Variants in ALCAM observed in about 807,000 individuals in gnomAD.
The protein encoded by ALCAM is activated leukocyte cell adhesion molecule, also known as CD166 antigen.
A neutral mutation model predicts 70.9 loss-of-function variants in ALCAM; 30 were observed. That is an observed-to-expected ratio of 0.42 (90% CI 0.32 to 0.57). ALCAM has a LOEUF of 0.57. Ranked by LOEUF, ALCAM falls within the 20% of genes least tolerant of loss-of-function variation. The probability of loss-of-function intolerance (pLI) is 0.11; values close to 1 mark genes in which losing one functional copy is unlikely to be tolerated. For synonymous variants in ALCAM, 249 were observed against 242.5 expected, an observed-to-expected ratio of 1.03 and a Z score of -0.25; for missense variants, 591 against 695.1, an observed-to-expected ratio of 0.85 and a Z score of 1.68.
chr3:105,535,450 A>G (rs1939947474), intron 6 of ALCAM, among the ~76,000 whole-genome samples: 1 of 152,138 alleles, frequency 6.6e-6, no homozygotes, highest in African/African-American at 2.4e-5. Flanking sequence ...AGGTGCCAAG[A>G]TAATCTAATG....
At chr3:105,483,277 G>A (rs1194810042) in intron 1 of ALCAM, among the ~76,000 whole-genome samples, 1 of 152,060 alleles carries the variant, frequency 6.6e-6, no homozygotes, top group East Asian at 1.9e-4. Flanking sequence ...ATAAATATTT[G>A]CAGAGTGCCT....
chr3:105,520,265 A>C, intron 2 of ALCAM, 98 bp downstream of exon 2: 1 of 842,270 alleles, frequency 1.2e-6, no homozygotes, highest in Non-Finnish European at 2.0e-6. Flanking sequence ...ACCTAAATGC[A>C]ATATTAAACT....
At chr3:105,539,919 A>C in intron 6 of ALCAM, 56 bp from the exon 7 acceptor site, 1 of 1,588,992 alleles carries the variant, frequency 6.3e-7, no homozygotes. Flanking sequence ...CATTGTATGC[A>C]CAGAGTAATT....
chr3:105,459,817 G>A lies in ALCAM; in HGVS notation c.74-60250G>A, dbSNP rs562323498. Among the ~76,000 whole-genome samples, 206 of 152,028 alleles carry A rather than the reference G, an allele frequency of 1.4e-3. 1 individual carries two copies. Among genetic ancestry groups the A allele is most frequent in the African/African-American group, 4.7e-3 (195 of 41,498 alleles). On this transcript the variant is annotated intron_variant, in intron 1 of 15. Coordinates refer to ENST00000306107, the MANE Select transcript of ALCAM (RefSeq NM_001627.4). ...AAGAAGGAATTACAAAACTTCCTAG[G>A]GAAATCATTTCTCCTCTTAGTTCCC...
At chr3:105,405,154 G>A (rs1215740676) in intron 1 of ALCAM, among the ~76,000 whole-genome samples, 1 of 151,874 alleles carries the variant, frequency 6.6e-6, no homozygotes, top group African/African-American at 2.4e-5. Context: ...GCACATGCCT[G>A]TAATCCCAGC....
intron 1 of ALCAM, among the ~76,000 whole-genome samples, chr3:105,464,167 G>A (rs1253181892): frequency 6.6e-6 from 1 of 151,112 alleles, no homozygotes; most frequent in Non-Finnish European, 1.5e-5. Flanking sequence ...GATAGTATTG[G>A]TAAAATTAAG....
At chr3:105,491,000 AC>A (rs1298964534) in intron 1 of ALCAM, among the ~76,000 whole-genome samples, 1 of 152,130 alleles carries the variant, frequency 6.6e-6, no homozygotes, top group African/African-American at 2.4e-5. Flanking sequence ...TGAAGGCCCC[AC>A]CCTTGCAGTG....
intron 1 of ALCAM, among the ~76,000 whole-genome samples, chr3:105,369,865 C>T (rs1271797823): frequency 6.6e-6 from 1 of 151,996 alleles, no homozygotes; most frequent in Non-Finnish European, 1.5e-5. Flanking sequence ...ATATGAACCA[C>T]GAAAACTGAA....
At chr3:105,547,858 T>A (rs1940290437) in intron 11 of ALCAM, among the ~76,000 whole-genome samples, 1 of 151,486 alleles carries the variant, frequency 6.6e-6, no homozygotes, top group African/African-American at 2.4e-5. Context: ...ATTAAAACAT[T>A]AAGATATACA....
In ALCAM at chr3:105,575,117, A is replaced by G. The variant is rs1436077182; in HGVS notation, c.*666A>G. ...CACAGATGCATATAGACACACATACATAATGGTACTCCCAAACTGACAATT... is the reference window on the plus strand; with the variant it reads ...CACAGATGCATATAGACACACATACGTAATGGTACTCCCAAACTGACAATT... On this transcript the variant is annotated 3_prime_UTR_variant, in exon 16 of 16. Coordinates refer to ENST00000306107, the MANE Select transcript of ALCAM (RefSeq NM_001627.4). 1 of 152,650 alleles carries G rather than the reference A, an allele frequency of 6.6e-6. No individual in the cohort carries two copies. Among genetic ancestry groups the G allele is most frequent in the Non-Finnish European group, 1.5e-5 (1 of 68,032 alleles). The allele number at this position is 152,650 out of a possible 1,614,324, so 9.5% of individuals were successfully genotyped here. A position where few individuals can be genotyped will look rare whatever the true frequency, so the allele number is the denominator to read the frequency against.
At chr3:105,505,935 A>T (rs938861947) in intron 1 of ALCAM, among the ~76,000 whole-genome samples, 1 of 152,160 alleles carries the variant, frequency 6.6e-6, no homozygotes, top group African/African-American at 2.4e-5. Context: ...ACAAATAGAA[A>T]ATTTCCATAA....
rs1016758975 is a variant in ALCAM, at chr3:105,524,998, A to G, written c.394+490A>G. 348 of 943,536 alleles carry G rather than the reference A, an allele frequency of 3.7e-4. 1 individual carries two copies. The highest frequency in any genetic ancestry group is 4.3e-4 in the Non-Finnish European group (343 of 792,340). 58.4% of individuals were successfully genotyped at this position (943,536 alleles called of 1,614,324 possible). Reference sequence around the variant, plus strand: ...AGAGGTATAAATTTTCCATTTATATATATCCACATATATAAATATCCCATA... The same window carrying G: ...AGAGGTATAAATTTTCCATTTATATGTATCCACATATATAAATATCCCATA... On this transcript the variant is annotated intron_variant, in intron 3 of 15. Transcript: ENST00000306107.
chr3:105,494,960 C>T (rs936486961), intron 1 of ALCAM, among the ~76,000 whole-genome samples: 2 of 152,094 alleles, frequency 1.3e-5, no homozygotes, highest in Non-Finnish European at 2.9e-5. Flanking sequence ...TGCACCTGGA[C>T]CACTGTTTTC....
chr3:105,406,947 A>C (rs1242461302), intron 1 of ALCAM, among the ~76,000 whole-genome samples: 1 of 152,164 alleles, frequency 6.6e-6, no homozygotes, highest in Non-Finnish European at 1.5e-5. Flanking sequence ...ATAAACTAGA[A>C]AATGTAGAGG....
intron 1 of ALCAM, among the ~76,000 whole-genome samples, chr3:105,486,715 G>C (rs1038005103): frequency 6.6e-6 from 1 of 151,826 alleles, no homozygotes; most frequent in Non-Finnish European, 1.5e-5. Flanking sequence ...ATTAGATAGG[G>C]GACATATAGG....
chr3:105,540,895 C>T (rs1046282175), intron 7 of ALCAM, among the ~76,000 whole-genome samples: 3 of 152,120 alleles, frequency 2.0e-5, no homozygotes, highest in Middle Eastern at 6.8e-3. Flanking sequence ...TTTCTTTATG[C>T]TGACAGAAAA....
At chr3:105,481,513 G>A (rs377704135) in intron 1 of ALCAM, among the ~76,000 whole-genome samples, 1 of 152,134 alleles carries the variant, frequency 6.6e-6, no homozygotes, top group East Asian at 1.9e-4. Context: ...GTAACATTAG[G>A]TATTGAAGGA....
chr3:105,516,710 A>G (rs1159980445), intron 1 of ALCAM, among the ~76,000 whole-genome samples: 1 of 152,130 alleles, frequency 6.6e-6, no homozygotes, highest in Non-Finnish European at 1.5e-5. Flanking sequence ...AACACATTTA[A>G]TACAGAAGGT....
At chr3:105,411,446 TAGC>T (rs1384447419) in intron 1 of ALCAM, among the ~76,000 whole-genome samples, 8 of 152,048 alleles carry the variant, frequency 5.3e-5, no homozygotes, top group Non-Finnish European at 1.0e-4. Context: ...GTGGTAGTAG[TAGC>T]AGCAGCAGCA....
Sources: allele counts gnomAD v4.1 joint callset (sites outside exome capture counted in the v4.1 genomes callset), GRCh38; gene constraint gnomAD v4.1.1; transcripts MANE v1.5; gene names NCBI Gene and HGNC (gene_info 2026-07-23, HGNC 2026-07-21).